COL4A6: variants seen among roughly 807,000 people sequenced by gnomAD.
COL4A6 encodes the protein collagen type IV alpha 6 chain.
COL4A6 carries 59 observed loss-of-function variants against 126.7 expected under a neutral mutation model. The observed-to-expected ratio is 0.47, with a 90% CI of 0.38 to 0.58. The LOEUF (loss-of-function observed/expected upper bound fraction) is 0.58, where lower values mean the gene tolerates loss of function less well. COL4A6 is among the 20% of genes least tolerant of loss of function. The pLI is 0.00. For missense variants in COL4A6, 1,285 were observed against 1,337.3 expected, an observed-to-expected ratio of 0.96 and a Z score of 0.61; for synonymous variants, 547 against 496.6, an observed-to-expected ratio of 1.10 and a Z score of -1.35.
chrX:108,179,154 A>T, intron 26 of COL4A6, 63 bp downstream of exon 26: 1 of 1,000,402 alleles, frequency 1.0e-6, no homozygotes. Flanking sequence ...GTATTCATGG[A>T]AGTATACGAA....
intron 2 of COL4A6, among the ~76,000 whole-genome samples, chrX:108,368,242 A>G (rs1221174622): frequency 1.9e-4 from 1 of 5,133 alleles, no homozygotes; most frequent in Admixed American, 2.9e-3. Context: ...ACAAACCCAT[A>G]TAGCAGTAAG....
intron 3 of COL4A6, among the ~76,000 whole-genome samples, chrX:108,292,711 C>T (rs1214862793): frequency 1.8e-5 from 2 of 110,338 alleles, no homozygotes; most frequent in Non-Finnish European, 3.8e-5. Flanking sequence ...AAAATCACCA[C>T]AGTAATCTGT....
chrX:108,402,558 A>G (rs1011611223), intron 2 of COL4A6, among the ~76,000 whole-genome samples: 2 of 110,558 alleles, frequency 1.8e-5, no homozygotes, highest in Non-Finnish European at 3.8e-5. Flanking sequence ...CTAACTTCTG[A>G]AGTTGAATAT....
At chrX:108,307,809 C>T (rs1356507993) in intron 3 of COL4A6, among the ~76,000 whole-genome samples, 5 of 111,438 alleles carry the variant, frequency 4.5e-5, no homozygotes. Context: ...GTGCTGGGGC[C>T]AATTTAAACA....
intron 3 of COL4A6, among the ~76,000 whole-genome samples, chrX:108,225,904 A>T (rs1231692275): frequency 8.9e-6 from 1 of 112,601 alleles, no homozygotes; most frequent in Non-Finnish European, 1.9e-5. Context: ...GGCGTTAATG[A>T]CTGACAACTT....
rs750438128 is a variant in COL4A6 at position 108,244,451 on chromosome X, C to T, written c.145-23077G>A. Among the ~76,000 whole-genome samples the T allele has an allele frequency of 8.1e-5, 9 of 111,497 alleles. No individual in the cohort carries two copies. In the South Asian group the frequency reaches 1.1e-3, roughly 14 times the overall value. On this transcript the variant is annotated intron_variant, in intron 3 of 44. Coordinates refer to ENST00000334504, the MANE Select transcript of COL4A6 (RefSeq NM_033641.4). ...GCTTCTTCTTGGCTGACCAATAATG[C>T]TGCAATTCCTCACGTCTTAGGATCA...
chrX:108,289,304 C>A (rs1485915925), intron 3 of COL4A6, among the ~76,000 whole-genome samples: 3 of 95,588 alleles, frequency 3.1e-5, no homozygotes, highest in Non-Finnish European at 6.2e-5. Context: ...TGTCTTTGTT[C>A]TTAGGAGATT....
intron 42 of COL4A6, 101 bp downstream of exon 42, chrX:108,161,505 CTCTACCACTGGGT>C: frequency 4.0e-6 from 2 of 495,908 alleles, no homozygotes; most frequent in Non-Finnish European, 3.5e-6. Flanking sequence ...GAGTGTCAAG[CTCTACCACTGGGT>C]TTATTAAGTT....
chrX:108,214,841 C>T (rs1287949484), intron 5 of COL4A6, among the ~76,000 whole-genome samples: 1 of 112,777 alleles, frequency 8.9e-6, no homozygotes, highest in Non-Finnish European at 1.9e-5. Context: ...ATGTTTTCCT[C>T]TCCGTACTAA....
chrX:108,222,876 G>A (rs1345851792), intron 3 of COL4A6, among the ~76,000 whole-genome samples: 7 of 111,528 alleles, frequency 6.3e-5, no homozygotes, highest in Non-Finnish European at 1.3e-4. Flanking sequence ...AAATATGTGT[G>A]TATATATGTA....
chrX:108,155,636 T>C lies in COL4A6; in HGVS notation c.*1364A>G. The stretch of plus-strand genomic sequence containing the variant: ...ATGTTCAGATTTCATTTATTTTATT[T>C]GCTATGTACAAAACTGACACCATGC... On this transcript the variant is annotated 3_prime_UTR_variant, in exon 45 of 45. Coordinates refer to ENST00000334504, the MANE Select transcript of COL4A6 (RefSeq NM_033641.4). 8.9e-6 allele frequency: 1 copy of C among 112,235 alleles called. No homozygotes were observed. Among genetic ancestry groups the C allele is most frequent in the East Asian group, 2.8e-4 (1 of 3,602 alleles). 9.2% of individuals were successfully genotyped at this position (112,235 alleles called of 1,213,427 possible).
intron 13 of COL4A6, among the ~76,000 whole-genome samples, chrX:108,198,507 G>A (rs1325324804): frequency 1.8e-5 from 2 of 111,357 alleles, no homozygotes; most frequent in African/African-American, 3.3e-5. Context: ...AAGATAAATA[G>A]CTTGGCAAGA....
At chrX:108,306,252 G>A (rs2038624204) in intron 3 of COL4A6, among the ~76,000 whole-genome samples, 1 of 112,431 alleles carries the variant, frequency 8.9e-6, no homozygotes, top group South Asian at 3.7e-4. Flanking sequence ...GTAGTGATTA[G>A]TGTCAGCAAT....
At chrX:108,345,996 ATGT>A (rs2148018514) in intron 2 of COL4A6, among the ~76,000 whole-genome samples, 1 of 111,198 alleles carries the variant, frequency 9.0e-6, no homozygotes, top group South Asian at 3.9e-4. Flanking sequence ...ACAAGTCTAA[ATGT>A]TGTGATTCAC....
intron 2 of COL4A6, among the ~76,000 whole-genome samples, chrX:108,370,262 G>T (rs1446365858): frequency 9.0e-6 from 1 of 111,478 alleles, no homozygotes; most frequent in Non-Finnish European, 1.9e-5. Flanking sequence ...AAAACCTTGG[G>T]GGTGATCATC....
chrX:108,396,741 G>A (rs949948582), intron 2 of COL4A6, among the ~76,000 whole-genome samples: 2 of 111,431 alleles, frequency 1.8e-5, no homozygotes, highest in Non-Finnish European at 3.8e-5. Flanking sequence ...TGAGTCACAG[G>A]AAGAGAGTTC....
chrX:108,176,724 G>T, intron 28 of COL4A6, 117 bp downstream of exon 28: 1 of 814,209 alleles, frequency 1.2e-6, no homozygotes, highest in Non-Finnish European at 1.7e-6. Flanking sequence ...GACACAAAAA[G>T]CCCTGTCCAA....
chrX:108,348,866 C>A (rs2039776078), intron 2 of COL4A6, among the ~76,000 whole-genome samples: 1 of 111,417 alleles, frequency 9.0e-6, no homozygotes, highest in African/African-American at 3.3e-5. Flanking sequence ...TTTTTCTTCA[C>A]CATCAGAATC....
At chrX:108,178,356 A>C (rs763976214) in intron 27 of COL4A6, among the ~76,000 whole-genome samples, 9 of 112,140 alleles carry the variant, frequency 8.0e-5, no homozygotes, top group Non-Finnish European at 1.5e-4. Context: ...GAAGGCATGG[A>C]GATGGACTAG....
Sources: allele counts gnomAD v4.1 joint callset (sites outside exome capture counted in the v4.1 genomes callset), GRCh38; gene constraint gnomAD v4.1.1; transcripts MANE v1.5; gene names NCBI Gene and HGNC (gene_info 2026-07-23, HGNC 2026-07-21).